LUZP2: variants seen among roughly 807,000 people sequenced by gnomAD.
LUZP2 encodes the protein leucine zipper protein 2.
LUZP2 carries 52 observed loss-of-function variants against 51.6 expected under a neutral mutation model. The observed-to-expected ratio is 1.01, with a 90% CI of 0.81 to 1.27. The LOEUF (loss-of-function observed/expected upper bound fraction) is 1.27, where lower values mean the gene tolerates loss of function less well. Among genes scored for constraint, LUZP2 ranks in the 50% most tolerant of loss-of-function variants. The pLI, the probability that LUZP2 is intolerant of heterozygous loss-of-function variation, is 0.00. For synonymous variants in LUZP2, 154 were observed against 137.3 expected, an observed-to-expected ratio of 1.12 and a Z score of -0.85; for missense variants, 436 against 395.4, an observed-to-expected ratio of 1.10 and a Z score of -0.87.
At chr11:24,880,775 T>G (rs1033446793) in intron 5 of LUZP2, among the ~76,000 whole-genome samples, 3 of 152,110 alleles carry the variant, frequency 2.0e-5, no homozygotes, top group African/African-American at 4.8e-5. Context: ...TGTGTGTGTA[T>G]GTGTGTGTTT....
At chr11:24,567,159 A>G (rs899698320) in intron 1 of LUZP2, among the ~76,000 whole-genome samples, 1 of 151,424 alleles carries the variant, frequency 6.6e-6, no homozygotes, top group African/African-American at 2.4e-5. Context: ...AATTTTTAAG[A>G]CACATGGCAA....
chr11:24,998,002 A>G (rs190568731), intron 9 of LUZP2, among the ~76,000 whole-genome samples: 2 of 152,270 alleles, frequency 1.3e-5, no homozygotes, highest in East Asian at 3.9e-4. Flanking sequence ...TACCAGTACC[A>G]TCCTGTTTGG....
In LUZP2 at chr11:24,835,166, C is replaced by A. The variant is rs1850825050; in HGVS notation, c.397-70825C>A. Among the ~76,000 whole-genome samples the A allele has an allele frequency of 2.0e-5, 3 of 152,178 alleles. No individual in the cohort carries two copies. The South Asian group carries it at 6.2e-4, about 32-fold the overall frequency. ...TAGAAATAACACCACACATCTATAA[C>A]CATCTGATCTTCCACAAACCTGACA... On this transcript the variant is annotated intron_variant, in intron 5 of 11. Transcript: ENST00000336930.
At chr11:24,939,278 G>T (rs1193582895) in intron 7 of LUZP2, among the ~76,000 whole-genome samples, 1 of 151,876 alleles carries the variant, frequency 6.6e-6, no homozygotes, top group East Asian at 1.9e-4. Context: ...GACATTTTCT[G>T]GTAGGTGCAG....
chr11:24,709,780 C>A (rs949845870), intron 1 of LUZP2, among the ~76,000 whole-genome samples: 1 of 151,994 alleles, frequency 6.6e-6, no homozygotes, highest in Non-Finnish European at 1.5e-5. Flanking sequence ...GTATTGGGGC[C>A]TCAAAAGCAA....
chr11:24,984,266 T>C (rs1348737), intron 9 of LUZP2, among the ~76,000 whole-genome samples: 149,587 of 151,208 alleles, frequency 0.99, 74,019 homozygotes, highest in Middle Eastern at 1. Context: ...TGCTTACTTC[T>C]GAGATTTCCT....
At chr11:24,519,331 AATGGAGAAT>A (rs1305104330) in intron 1 of LUZP2, among the ~76,000 whole-genome samples, 2 of 152,136 alleles carry the variant, frequency 1.3e-5, no homozygotes, top group Non-Finnish European at 2.9e-5. Context: ...CCTGTACTTG[AATGGAGAAT>A]ACAGCAGGCC....
At chr11:24,571,653 A>G (rs894540610) in intron 1 of LUZP2, among the ~76,000 whole-genome samples, 1 of 152,076 alleles carries the variant, frequency 6.6e-6, no homozygotes, top group East Asian at 1.9e-4. Flanking sequence ...AAAAAGCAAC[A>G]TGGTCAAATG....
intron 1 of LUZP2, among the ~76,000 whole-genome samples, chr11:24,657,212 G>A (rs1018438362): frequency 6.6e-6 from 1 of 152,172 alleles, no homozygotes; most frequent in African/African-American, 2.4e-5. Flanking sequence ...ATAGATGTTA[G>A]AAGTTATAGC....
At chr11:24,952,726 G>A (rs1169857448) in intron 7 of LUZP2, among the ~76,000 whole-genome samples, 3 of 151,836 alleles carry the variant, frequency 2.0e-5, no homozygotes, top group African/African-American at 7.3e-5. Flanking sequence ...TAAAAAGTAA[G>A]GAAAATAATA....
At chr11:24,628,436 C>G (rs1028171629) in intron 1 of LUZP2, among the ~76,000 whole-genome samples, 1 of 152,160 alleles carries the variant, frequency 6.6e-6, no homozygotes, top group African/African-American at 2.4e-5. Context: ...CAAATGAGAT[C>G]ATAGCTTTAA....
intron 5 of LUZP2, among the ~76,000 whole-genome samples, chr11:24,790,482 C>A (rs1040198514): frequency 2.0e-5 from 3 of 151,742 alleles, no homozygotes; most frequent in Non-Finnish European, 4.4e-5. Flanking sequence ...ATTCTTCTTT[C>A]ATTCTTTATT....
intron 7 of LUZP2, among the ~76,000 whole-genome samples, chr11:24,935,768 A>T (rs544411551): frequency 6.6e-6 from 1 of 152,310 alleles, no homozygotes; most frequent in East Asian, 1.9e-4. Flanking sequence ...AACATGTCAT[A>T]ACATTTTTTT....
At chr11:24,852,336 T>C (rs1327464612) in intron 5 of LUZP2, among the ~76,000 whole-genome samples, 3 of 152,202 alleles carry the variant, frequency 2.0e-5, no homozygotes, top group Non-Finnish European at 4.4e-5. Context: ...AAATAACTTA[T>C]TTATTTCTGC....
intron 7 of LUZP2, among the ~76,000 whole-genome samples, chr11:24,964,403 A>G (rs1051174685): frequency 3.3e-5 from 5 of 152,202 alleles, no homozygotes; most frequent in Non-Finnish European, 5.9e-5. Flanking sequence ...AGTAATATAG[A>G]AACAGCAAGT....
chr11:24,870,819 C>T (rs1412109098), intron 5 of LUZP2, among the ~76,000 whole-genome samples: 2 of 152,040 alleles, frequency 1.3e-5, no homozygotes, highest in Admixed American at 1.3e-4. Context: ...CTGATCATTT[C>T]GTTGTAAGAA....
intron 1 of LUZP2, among the ~76,000 whole-genome samples, chr11:24,726,548 A>T (rs912334820): frequency 3.3e-5 from 5 of 152,054 alleles, no homozygotes; most frequent in African/African-American, 1.2e-4. Flanking sequence ...AAAAATTAAC[A>T]TGTTGACTTT....
chr11:24,928,940 T>C (rs1379149530), intron 7 of LUZP2, among the ~76,000 whole-genome samples: 4 of 152,086 alleles, frequency 2.6e-5, no homozygotes, highest in Non-Finnish European at 4.4e-5. Flanking sequence ...TTTCTATTTT[T>C]TCCCAGTTTA....
chr11:24,961,572 C>A (rs1281343712), intron 7 of LUZP2, among the ~76,000 whole-genome samples: 1 of 152,012 alleles, frequency 6.6e-6, no homozygotes, highest in East Asian at 1.9e-4. Context: ...ATTGCAACCC[C>A]TGCCTTTCTT....
Sources: gnomAD v4.1 joint callset for allele counts (sites outside exome capture counted in the v4.1 genomes callset) on GRCh38, gnomAD v4.1.1 for gene constraint, MANE v1.5 for transcripts, NCBI Gene and HGNC (gene_info 2026-07-23, HGNC 2026-07-21) for gene names.